The following NTNG2 variants were observed in gnomAD, a reference collection of about 807,000 sequenced individuals.
NTNG2 encodes netrin G2, also known as netrin-G2.
In NTNG2, 15 loss-of-function variants were observed where a neutral mutation model predicts 47.6. The observed-to-expected ratio is 0.32, with a 90% CI of 0.21 to 0.49. The LOEUF is 0.49. NTNG2 is among the 20% of genes least tolerant of loss of function. The pLI, the probability that NTNG2 is intolerant of heterozygous loss-of-function variation, is 0.99. For synonymous variants in NTNG2, 307 were observed against 324.6 expected, an observed-to-expected ratio of 0.95 and a Z score of 0.58; for missense variants, 578 against 764.6, an observed-to-expected ratio of 0.76 and a Z score of 2.88.
chr9:132,207,868 C>A (rs1564418388), intron 3 of NTNG2, among the ~76,000 whole-genome samples: 2 of 152,172 alleles, frequency 1.3e-5, no homozygotes, highest in Non-Finnish European at 2.9e-5. Flanking sequence ...CTTTGGGAGG[C>A]TGAGGCTGGC....
rs1842016208 is a variant in NTNG2 at position 132,241,921 on chromosome 9, C to T, written c.1403C>T (p.Thr468Ile). Residue 468 changes from threonine to isoleucine, a missense_variant, in exon 8 of 8, where the codon ACC becomes ATC. Coordinates refer to ENST00000393229, the MANE Select transcript of NTNG2 (RefSeq NM_032536.4). Reference protein sequence around the residue: ...DDQLLCQNGGTCLQNQRCACP... With the variant: ...DDQLLCQNGGICLQNQRCACP... The stretch of plus-strand genomic sequence containing the variant: ...CAGCTGCTGTGCCAGAACGGAGGCA[C>T]CTGCCTGCAGAACCAGCGCTGCGCC... 9 of 1,576,590 alleles carry T rather than the reference C, an allele frequency of 5.7e-6. No homozygotes were observed. The highest frequency in any genetic ancestry group is 7.7e-6 in the Non-Finnish European group (9 of 1,168,282).
At position 132,224,080 on chromosome 9, in the gene NTNG2, C is replaced by T. The variant is rs114939116; in HGVS notation, c.858-2769C>T. On this transcript the variant is annotated intron_variant, in intron 3 of 7. Transcript: ENST00000393229. ...GTTCTTCCTGGAAACTGTGGACTCC[C>T]GTGATGCCTTCTTCTTTGCACAACC... is the stretch of plus-strand genomic sequence containing the variant. Among the ~76,000 whole-genome samples, 630 of 151,942 alleles carry T rather than the reference C, an allele frequency of 4.1e-3. 3 individuals carry two copies. Among genetic ancestry groups the T allele is most frequent in the African/African-American group, 0.015 (599 of 41,242 alleles).
chr9:132,236,076 T>C lies in NTNG2; in HGVS notation c.1055-3028T>C, dbSNP rs575489060. Among the ~76,000 whole-genome samples the C allele has an allele frequency of 1.3e-5, 2 of 152,318 alleles. No homozygotes were observed. The highest frequency in any genetic ancestry group is 3.9e-4 in the East Asian group (2 of 5,184). On this transcript the variant is annotated intron_variant, in intron 5 of 7. Coordinates refer to ENST00000393229, the MANE Select transcript of NTNG2 (RefSeq NM_032536.4). This position sits in a 1 kb window ranked among gnomAD's most constrained non-coding sequence, Gnocchi z 4.3. ...GCCTCCCACGACAGGAACCCCCCTC[T>C]CCAGCTGCCCTTGCTCACAGGACAC...
chr9:132,232,822 C>T (rs1210514276), intron 5 of NTNG2: 1 of 152,282 alleles, frequency 6.6e-6, no homozygotes, highest in Admixed American at 6.5e-5. Context: ...TGGGGGGTGG[C>T]ATTTCTAAAG....
intron 2 of NTNG2, among the ~76,000 whole-genome samples, chr9:132,170,782 A>G (rs1835858192): frequency 6.6e-6 from 1 of 152,110 alleles, no homozygotes; most frequent in Admixed American, 6.5e-5. Context: ...ACTCAGAGCA[A>G]TCGCCTCAGT....
intron 3 of NTNG2, among the ~76,000 whole-genome samples, chr9:132,217,668 G>C (rs1435838929): frequency 1.3e-5 from 2 of 152,188 alleles, no homozygotes; most frequent in African/African-American, 4.8e-5. Context: ...CTAGGCACCT[G>C]TTTGTCTCAT....
intron 7 of NTNG2, chr9:132,241,476 G>C (rs1841983070): frequency 9.1e-6 from 3 of 330,452 alleles, no homozygotes; most frequent in Admixed American, 4.8e-5. Context: ...GGAACTACGA[G>C]AAAGACCGAG....
At chr9:132,225,610 C>T (rs953106140) in intron 3 of NTNG2, among the ~76,000 whole-genome samples, 34 of 152,268 alleles carry the variant, frequency 2.2e-4, no homozygotes, top group African/African-American at 7.2e-4. Context: ...AAAAACATAA[C>T]CACAATATCA....
intron 6 of NTNG2, 69 bp from the exon 7 acceptor site, chr9:132,240,841 G>T (rs1841927276): frequency 1.9e-6 from 3 of 1,607,432 alleles, no homozygotes; most frequent in Admixed American, 1.7e-5. Context: ...GAGGCCGGGA[G>T]AGTGGGGGTC....
intron 7 of NTNG2, 39 bp from the exon 8 acceptor site, chr9:132,241,837 C>T (rs370837776): frequency 8.4e-6 from 12 of 1,432,930 alleles, no homozygotes; most frequent in Non-Finnish European, 1.0e-5. Flanking sequence ...GCGGGGGGAC[C>T]GGGCCACCCC....
Position 132,236,067 on chromosome 9 carries a change from A to AC in NTNG2, c.1055-3031dup, listed in dbSNP as rs751984570. Among the ~76,000 whole-genome samples the AC allele has an allele frequency of 2.6e-5, 4 of 151,872 alleles. No individual in the cohort carries two copies. The highest frequency in any genetic ancestry group is 6.6e-5 in the Admixed American group (1 of 15,238). ...AGAGGCCCCGCCTCCCACGACAGGA[A>AC]CCCCCCTCTCCAGCTGCCCTTGCTC... On this transcript the variant is annotated intron_variant, in intron 5 of 7. Coordinates refer to ENST00000393229, the MANE Select transcript of NTNG2 (RefSeq NM_032536.4). This position sits in a 1 kb window ranked among gnomAD's most constrained non-coding sequence, Gnocchi z 4.3.
At chr9:132,190,319 C>T (rs1397855269) in intron 2 of NTNG2, among the ~76,000 whole-genome samples, 4 of 151,070 alleles carry the variant, frequency 2.6e-5, no homozygotes, top group African/African-American at 7.3e-5. Flanking sequence ...TTGGGGGACT[C>T]GCCCAAGCCT....
chr9:132,189,589 GGTCAAAGA>G (rs1190509339), intron 2 of NTNG2, among the ~76,000 whole-genome samples: 1 of 151,982 alleles, frequency 6.6e-6, no homozygotes, highest in African/African-American at 2.4e-5. Context: ...GGCAGGGGAA[GGTCAAAGA>G]GTAACCTTCC....
intron 2 of NTNG2, among the ~76,000 whole-genome samples, chr9:132,195,880 C>T (rs903483541): frequency 6.6e-6 from 1 of 152,116 alleles, no homozygotes; most frequent in Non-Finnish European, 1.5e-5. Flanking sequence ...GATCCTCCCA[C>T]TTCTGCCCCC....
intron 2 of NTNG2, among the ~76,000 whole-genome samples, chr9:132,186,789 C>T (rs976263966): frequency 5.9e-5 from 9 of 152,384 alleles, no homozygotes; most frequent in African/African-American, 2.2e-4. Context: ...AGCGTCCTAC[C>T]TGGATAGAAC....
At chr9:132,189,095 T>TTTTTCA (rs1837655604) in intron 2 of NTNG2, among the ~76,000 whole-genome samples, 1 of 139,644 alleles carries the variant, frequency 7.2e-6, no homozygotes, top group African/African-American at 2.7e-5. Context: ...TTTTTTTTTT[T>TTTTTCA]AGACAGGGTC....
intron 2 of NTNG2, among the ~76,000 whole-genome samples, chr9:132,181,109 G>A (rs1836902815): frequency 6.6e-6 from 1 of 151,888 alleles, no homozygotes; most frequent in Admixed American, 6.6e-5. Flanking sequence ...TTTGAGACAG[G>A]GTCTCACTCT....
intron 5 of NTNG2, among the ~76,000 whole-genome samples, chr9:132,238,672 C>T (rs191323410): frequency 2.6e-4 from 39 of 152,358 alleles, no homozygotes; most frequent in Admixed American, 5.9e-4. Flanking sequence ...GAGGATACCA[C>T]GGCGAGCGCC....
intron 5 of NTNG2, among the ~76,000 whole-genome samples, chr9:132,235,723 T>TG (rs772486918): frequency 1.3e-5 from 2 of 152,056 alleles, no homozygotes; most frequent in Non-Finnish European, 2.9e-5. Flanking sequence ...GCAGAAGGTA[T>TG]GGGGGGGCAA....
Sources: gnomAD v4.1 joint callset for allele counts (sites outside exome capture counted in the v4.1 genomes callset) on GRCh38, gnomAD v4.1.1 for gene constraint, Gnocchi (gnomAD v3.1) non-coding constraint, MANE v1.5 for transcripts, NCBI Gene and HGNC (gene_info 2026-07-23, HGNC 2026-07-21) for gene names.